LY86: variants seen among roughly 807,000 people sequenced by gnomAD.
The protein encoded by LY86 is MD-1, RP105-associated.
LY86 carries 20 observed loss-of-function variants against 17.3 expected under a neutral mutation model. The observed-to-expected ratio is 1.15, with a 90% confidence interval of 0.81 to 1.68. The LOEUF is 1.68. Among genes scored for constraint, LY86 ranks in the 40% most tolerant of loss-of-function variants. LY86 has a pLI of 0.00. For missense variants in LY86, 200 were observed against 191.9 expected (o/e 1.04, Z -0.25); for synonymous variants, 74 against 70.6 (o/e 1.05, Z -0.24).
chr6:6,637,192 T>C (rs9392117), intron 3 of LY86, among the ~76,000 whole-genome samples: 49,687 of 151,658 alleles, frequency 0.33, 8,313 homozygotes, highest in Middle Eastern at 0.43. Context: ...TTTGTATTTT[T>C]AGTAGAGACA....
chr6:6,607,275 T>C (rs1046049817), intron 1 of LY86, among the ~76,000 whole-genome samples: 2 of 152,218 alleles, frequency 1.3e-5, no homozygotes, highest in Non-Finnish European at 2.9e-5. Context: ...ACTTCCAAAC[T>C]GTACTCTTGA....
At chr6:6,597,494 G>C (rs374220589) in intron 1 of LY86, among the ~76,000 whole-genome samples, 10 of 152,326 alleles carry the variant, frequency 6.6e-5, no homozygotes, top group East Asian at 5.8e-4. Context: ...ATCTAGGTTG[G>C]TGTTCATTCC....
chr6:6,633,549 G>A (rs970081734), intron 3 of LY86, among the ~76,000 whole-genome samples: 15 of 152,028 alleles, frequency 9.9e-5, no homozygotes, highest in Admixed American at 3.3e-4. Flanking sequence ...TAAGCCCAAC[G>A]TCTATTAGCT....
chr6:6,599,859 C>A (rs1387705162), intron 1 of LY86, among the ~76,000 whole-genome samples: 4 of 51,552 alleles, frequency 7.8e-5, no homozygotes, highest in East Asian at 8.6e-4. Context: ...CCCTCCCAGG[C>A]AAACTGCTTC....
At chr6:6,627,797 C>T (rs1213058923) in intron 3 of LY86, among the ~76,000 whole-genome samples, 1 of 152,148 alleles carries the variant, frequency 6.6e-6, no homozygotes, top group Non-Finnish European at 1.5e-5. Flanking sequence ...ATTCCAACTT[C>T]ATAAATGTGT....
At chr6:6,651,056 C>A (rs1206914521) in intron 4 of LY86, among the ~76,000 whole-genome samples, 1 of 151,004 alleles carries the variant, frequency 6.6e-6, no homozygotes, top group African/African-American at 2.5e-5. Context: ...AGATTTTATT[C>A]TTTTTTATGG....
chr6:6,612,750 A>G (rs1005790691), intron 1 of LY86, among the ~76,000 whole-genome samples: 1 of 152,236 alleles, frequency 6.6e-6, no homozygotes, highest in Non-Finnish European at 1.5e-5. Flanking sequence ...GTTCCCCACT[A>G]GATTAGCTAG....
At chr6:6,611,190 A>G (rs575830682) in intron 1 of LY86, among the ~76,000 whole-genome samples, 1 of 152,332 alleles carries the variant, frequency 6.6e-6, no homozygotes, top group South Asian at 2.1e-4. Flanking sequence ...GATTTTATGA[A>G]GAGCTTTTGT....
intron 3 of LY86, 68 bp downstream of exon 3, chr6:6,626,489 G>A: frequency 1.3e-6 from 2 of 1,578,046 alleles, no homozygotes; most frequent in Non-Finnish European, 1.7e-6. Flanking sequence ...TTGCATCTGA[G>A]GCCAGGACGC....
chr6:6,615,385 A>G lies in LY86; in HGVS notation c.137-9541A>G, dbSNP rs142963037. The stretch of plus-strand genomic sequence containing the variant: ...TAATCTCAAGGGCTGGGAGGCCCCA[A>G]CTGACATCTAGGTTTCATCTCAGAA... On this transcript the variant is annotated intron_variant, in intron 1 of 4. Transcript: ENST00000230568. Among the ~76,000 whole-genome samples the G allele has an allele frequency of 2.9e-3, 441 of 152,310 alleles. 7 individuals are homozygous for G. Among genetic ancestry groups the G allele is most frequent in the Admixed American group, 0.026 (403 of 15,304 alleles).
chr6:6,614,489 A>C (rs1039645542), intron 1 of LY86, among the ~76,000 whole-genome samples: 1 of 151,776 alleles, frequency 6.6e-6, no homozygotes, highest in Non-Finnish European at 1.5e-5. Context: ...ACTCCTGCGC[A>C]TACCAGGCTC....
chr6:6,625,772 A>C (rs1012720535), intron 2 of LY86, among the ~76,000 whole-genome samples: 1 of 152,202 alleles, frequency 6.6e-6, no homozygotes, highest in African/African-American at 2.4e-5. Context: ...GGAGAGAAAA[A>C]GCGAGAAAAG....
At chr6:6,632,431 C>T (rs144204644) in intron 3 of LY86, among the ~76,000 whole-genome samples, 198 of 152,286 alleles carry the variant, frequency 1.3e-3, no homozygotes, top group African/African-American at 2.9e-3. Flanking sequence ...GTGTCTGACG[C>T]GTTAGAAATC....
At chr6:6,601,409 T>C (rs1354748387) in intron 1 of LY86, among the ~76,000 whole-genome samples, 9 of 151,990 alleles carry the variant, frequency 5.9e-5, no homozygotes, top group Non-Finnish European at 1.0e-4. Flanking sequence ...AGCTGCAATA[T>C]ACAATAGAAA....
intron 3 of LY86, among the ~76,000 whole-genome samples, chr6:6,648,488 T>C (rs1271488079): frequency 2.6e-5 from 4 of 152,068 alleles, no homozygotes; most frequent in Non-Finnish European, 4.4e-5. Context: ...TCAAGGCCTC[T>C]GTCCTTATTT....
At chr6:6,600,587 C>CAAAAAAAAAAAAAAAAAAAAAAA (rs59560744) in intron 1 of LY86, among the ~76,000 whole-genome samples, 1 of 82,458 alleles carries the variant, frequency 1.2e-5, no homozygotes, top group African/African-American at 5.1e-5. Flanking sequence ...GAGACTCCAT[C>CAAAAAAAAAAAAAAAAAAAAAAA]AAAAAAAAAA....
At chr6:6,604,994 A>G (rs1761054430) in intron 1 of LY86, among the ~76,000 whole-genome samples, 1 of 152,018 alleles carries the variant, frequency 6.6e-6, no homozygotes, top group African/African-American at 2.4e-5. Context: ...TACATACAGT[A>G]TAGTTAAGTC....
intron 1 of LY86, 61 bp downstream of exon 1, chr6:6,588,931 C>A: frequency 6.4e-7 from 1 of 1,573,590 alleles, no homozygotes; most frequent in Admixed American, 1.7e-5. Context: ...CAGATGTGAG[C>A]CGCTAGTGCT....
At chr6:6,606,287 C>G (rs373166014) in intron 1 of LY86, among the ~76,000 whole-genome samples, 1 of 152,112 alleles carries the variant, frequency 6.6e-6, no homozygotes, top group Non-Finnish European at 1.5e-5. Flanking sequence ...CACAGAGTGT[C>G]GATTGGTGCA....
Sources: allele counts gnomAD v4.1 joint callset (sites outside exome capture counted in the v4.1 genomes callset), GRCh38; gene constraint gnomAD v4.1.1; transcripts MANE v1.5; gene names NCBI Gene and HGNC (gene_info 2026-07-23, HGNC 2026-07-21).